SPIDR: variants seen among roughly 807,000 people sequenced by gnomAD.
SPIDR encodes the protein scaffold protein involved in DNA repair.
Under a neutral mutation model 104.6 loss-of-function variants are expected in SPIDR, and 93 were observed. That is an observed-to-expected ratio of 0.89 (90% CI 0.75 to 1.06). SPIDR has a LOEUF of 1.06. Among genes scored for constraint, SPIDR ranks in the 50% least tolerant of loss-of-function variants. The pLI is 0.00. For missense variants in SPIDR, 1,154 were observed against 1,111.2 expected (o/e 1.04, Z -0.55); for synonymous variants, 431 against 416.9 (o/e 1.03, Z -0.41).
At chr8:47,553,299 A>G (rs1272954368) in intron 8 of SPIDR, among the ~76,000 whole-genome samples, 1 of 152,132 alleles carries the variant, frequency 6.6e-6, no homozygotes, top group Non-Finnish European at 1.5e-5. Flanking sequence ...CTGAATTTGA[A>G]TGTTGGGGAA....
chr8:47,385,163 A>T (rs2059741503), intron 5 of SPIDR, among the ~76,000 whole-genome samples: 1 of 152,192 alleles, frequency 6.6e-6, no homozygotes, highest in Non-Finnish European at 1.5e-5. Flanking sequence ...CCCAGAATTA[A>T]TCATTGTTGT....
chr8:47,716,538 C>T (rs997088513), intron 16 of SPIDR, among the ~76,000 whole-genome samples: 9 of 152,018 alleles, frequency 5.9e-5, no homozygotes, highest in African/African-American at 1.7e-4. Flanking sequence ...ATAGGGCTAA[C>T]GGAATCAGCC....
chr8:47,564,897 A>G (rs2057581634), intron 8 of SPIDR, among the ~76,000 whole-genome samples: 1 of 152,166 alleles, frequency 6.6e-6, no homozygotes, highest in Admixed American at 6.5e-5. Context: ...AAGAAGTATC[A>G]AGCAAAACTG....
chr8:47,280,394 ATT>A (rs11435263), intron 2 of SPIDR, among the ~76,000 whole-genome samples: 9 of 138,710 alleles, frequency 6.5e-5, no homozygotes, highest in Non-Finnish European at 9.4e-5. Flanking sequence ...TGCCTGGCTA[ATT>A]TTTTTTTTTT....
intron 19 of SPIDR, among the ~76,000 whole-genome samples, chr8:47,735,003 A>G (rs1305022009): frequency 6.6e-6 from 1 of 152,206 alleles, no homozygotes; most frequent in Non-Finnish European, 1.5e-5. Flanking sequence ...CGGCCTTCCC[A>G]GCAGAGTCTG....
intron 7 of SPIDR, among the ~76,000 whole-genome samples, chr8:47,414,403 A>G (rs1237975247): frequency 1.3e-5 from 2 of 152,184 alleles, no homozygotes; most frequent in African/African-American, 4.8e-5. Context: ...CTTACTTGAA[A>G]TGTTCCTTAC....
chr8:47,722,845 A>T (rs1233770678), intron 16 of SPIDR, among the ~76,000 whole-genome samples: 1 of 143,378 alleles, frequency 7.0e-6, no homozygotes, highest in Non-Finnish European at 1.5e-5. Context: ...ACTCCTGGCC[A>T]TATTTTGGTT....
intron 6 of SPIDR, among the ~76,000 whole-genome samples, chr8:47,398,923 C>T (rs1221736577): frequency 6.6e-6 from 1 of 152,136 alleles, no homozygotes; most frequent in Non-Finnish European, 1.5e-5. Context: ...GCTGCCAGGG[C>T]TGACCTCTGT....
intron 8 of SPIDR, among the ~76,000 whole-genome samples, chr8:47,526,807 A>G (rs916989318): frequency 6.6e-6 from 1 of 152,226 alleles, no homozygotes; most frequent in South Asian, 2.1e-4. Context: ...AAAAAGTTGA[A>G]CAAACTAAAA....
chr8:47,359,270 T>G (rs1283470642), intron 5 of SPIDR, among the ~76,000 whole-genome samples: 5 of 121,414 alleles, frequency 4.1e-5, no homozygotes, highest in African/African-American at 8.6e-5. Flanking sequence ...AAAAAAAAAG[T>G]TTTTTTTTAA....
intron 5 of SPIDR, among the ~76,000 whole-genome samples, chr8:47,362,703 A>AG (rs1338249438): frequency 6.6e-6 from 1 of 152,208 alleles, no homozygotes; most frequent in African/African-American, 2.4e-5. Flanking sequence ...CCCAGGCTGG[A>AG]GTGCAGTGGC....
At chr8:47,545,477 T>G (rs1367460741) in intron 8 of SPIDR, among the ~76,000 whole-genome samples, 4 of 152,188 alleles carry the variant, frequency 2.6e-5, no homozygotes, top group African/African-American at 9.7e-5. Flanking sequence ...TTTTGTGTGT[T>G]GATTTTTGTG....
At chr8:47,732,351 G>GC (rs1445838346) in intron 19 of SPIDR, among the ~76,000 whole-genome samples, 19 of 152,380 alleles carry the variant, frequency 1.2e-4, no homozygotes, top group African/African-American at 4.6e-4. Flanking sequence ...ATGCCCGTGT[G>GC]CATGTGTATG....
At chr8:47,431,403 G>A (rs80335938) in intron 7 of SPIDR, among the ~76,000 whole-genome samples, 7 of 152,320 alleles carry the variant, frequency 4.6e-5, no homozygotes, top group East Asian at 3.9e-4. Flanking sequence ...GCTTAACTTC[G>A]CTTAGGGATC....
chr8:47,271,944 G>T (rs112172324), intron 1 of SPIDR, among the ~76,000 whole-genome samples: 13 of 152,018 alleles, frequency 8.6e-5, no homozygotes, highest in African/African-American at 2.9e-4. Flanking sequence ...GGGATTACAA[G>T]CAGGCACCAC....
At chr8:47,717,426 C>T (rs1308798931) in intron 16 of SPIDR, among the ~76,000 whole-genome samples, 1 of 152,180 alleles carries the variant, frequency 6.6e-6, no homozygotes, top group Non-Finnish European at 1.5e-5. Flanking sequence ...CCAGAAGAAT[C>T]GCCACCACCC....
chr8:47,312,106 A>C (rs1427301054), intron 5 of SPIDR, among the ~76,000 whole-genome samples: 1 of 152,088 alleles, frequency 6.6e-6, no homozygotes, highest in Non-Finnish European at 1.5e-5. Context: ...CATTTTCTTA[A>C]TCCAGTCTAT....
intron 16 of SPIDR, among the ~76,000 whole-genome samples, chr8:47,721,107 A>G (rs1323374065): frequency 1.3e-5 from 2 of 152,184 alleles, no homozygotes; most frequent in Non-Finnish European, 2.9e-5. Context: ...TTTTAATTTT[A>G]ATGAAGTCTC....
intron 3 of SPIDR, among the ~76,000 whole-genome samples, chr8:47,285,859 A>G (rs2038737852): frequency 6.6e-6 from 1 of 152,214 alleles, no homozygotes; most frequent in South Asian, 2.1e-4. Flanking sequence ...TCATAACACC[A>G]GGTGCTAGGA....
Sources: allele counts gnomAD v4.1 joint callset (sites outside exome capture counted in the v4.1 genomes callset), GRCh38; gene constraint gnomAD v4.1.1; transcripts MANE v1.5; gene names NCBI Gene and HGNC (gene_info 2026-07-23, HGNC 2026-07-21).